CFAP221: variants seen among roughly 807,000 people sequenced by gnomAD.
The protein encoded by CFAP221 is cilia and flagella associated protein 221.
In CFAP221, 97 loss-of-function variants were observed where a neutral mutation model predicts 113.1. The ratio of observed to expected loss-of-function variants is 0.86; its 90% CI spans 0.73 to 1.02. The LOEUF (loss-of-function observed/expected upper bound fraction) is 1.02. Ranked by LOEUF, CFAP221 falls within the 50% of genes least tolerant of loss-of-function variation. The probability of loss-of-function intolerance (pLI) is 0.00; values close to 1 mark genes in which losing one functional copy is unlikely to be tolerated. For synonymous variants in CFAP221, 331 were observed against 354.4 expected, an observed-to-expected ratio of 0.93 and a Z score of 0.74; for missense variants, 1,025 against 1,013.4, an observed-to-expected ratio of 1.01 and a Z score of -0.16.
At position 119,638,357 on chromosome 2, in the gene CFAP221, CAA is replaced by C. The variant is rs760586058; in HGVS notation, c.2075_2076del (p.Lys692ArgfsTer68). The C allele has an allele frequency of 3.7e-6, 6 of 1,614,044 alleles. No individual in the cohort carries two copies. The highest frequency in any genetic ancestry group is 1.3e-5 in the African/African-American group (1 of 74,914). ...LCSHPKYKFTKESRHGSSIPV... is the reference protein window; with the variant it reads ...LCSHPKYKFTXESRHGSSIPV... ...GCTCTCACCCCAAGTACAAATTCAC[CAA>C]AGAGTCCCGCCACGGGTCCAGCATT... is the stretch of plus-strand genomic sequence containing the variant. On this transcript the variant is annotated frameshift_variant, in exon 20 of 24. Coordinates refer to ENST00000413369, the MANE Select transcript of CFAP221 (RefSeq NM_001271049.2). LOFTEE classifies it high-confidence loss of function.
At chr2:119,562,514 G>A (rs898656666) in intron 6 of CFAP221, among the ~76,000 whole-genome samples, 4 of 152,154 alleles carry the variant, frequency 2.6e-5, no homozygotes, top group African/African-American at 9.7e-5. Context: ...CTGGGGATGA[G>A]GTGATTGGAG....
intron 9 of CFAP221, 33 bp from the exon 10 acceptor site, chr2:119,604,843 C>T: frequency 6.2e-7 from 1 of 1,611,504 alleles, no homozygotes; most frequent in Non-Finnish European, 8.5e-7. Flanking sequence ...GAGGGGCAGA[C>T]TAACTGATTT....
intron 6 of CFAP221, among the ~76,000 whole-genome samples, chr2:119,584,065 T>C (rs1159001094): frequency 6.6e-6 from 1 of 152,184 alleles, no homozygotes; most frequent in Non-Finnish European, 1.5e-5. Context: ...TGGAGACACT[T>C]ATAAAATTTG....
intron 14 of CFAP221, among the ~76,000 whole-genome samples, chr2:119,617,536 A>AAAAGGGTAT (rs1685612193): frequency 6.6e-6 from 1 of 152,248 alleles, no homozygotes; most frequent in Non-Finnish European, 1.5e-5. Context: ...TCCAGCCTGA[A>AAAAGGGTAT]AAAGGGTATC....
downstream of CFAP221, among the ~76,000 whole-genome samples, chr2:119,659,730 G>GGGCCTCTGC (rs1688553687): frequency 8.5e-6 from 1 of 117,694 alleles, no homozygotes; most frequent in Admixed American, 9.0e-5. Context: ...CCGCACCCCT[G>GGGCCTCTGC]GGCCTCTGCA....
chr2:119,574,361 T>A (rs955637205), intron 6 of CFAP221, among the ~76,000 whole-genome samples: 1 of 152,224 alleles, frequency 6.6e-6, no homozygotes, highest in African/African-American at 2.4e-5. Flanking sequence ...GTGGCTTCTG[T>A]GAAACTACCA....
At chr2:119,565,177 A>G (rs1278648455) in intron 6 of CFAP221, among the ~76,000 whole-genome samples, 4 of 151,742 alleles carry the variant, frequency 2.6e-5, no homozygotes, top group Non-Finnish European at 4.4e-5. Flanking sequence ...CCACTCACCA[A>G]CCCTTCCTGT....
At chr2:119,643,364 G>A (rs928094253) in intron 21 of CFAP221, among the ~76,000 whole-genome samples, 3 of 152,156 alleles carry the variant, frequency 2.0e-5, no homozygotes, top group African/African-American at 7.2e-5. Flanking sequence ...AGTAAATTCA[G>A]AGATAACTTG....
chr2:119,580,785 A>C lies in CFAP221; in HGVS notation c.528-6334A>C, dbSNP rs1682801052. 4 of 152,288 alleles carry C rather than the reference A, an allele frequency of 2.6e-5. No homozygotes were observed. The South Asian group carries it at 6.2e-4, about 24-fold the overall frequency. The allele number at this position is 152,288 out of a possible 1,614,324, so 9.4% of individuals were successfully genotyped here. ...GCTTGCAGGCTCCAGGTTTTGAAGCAGTCAGGCAGTGTTGGAGACCACTCC... is the reference window on the plus strand; with the variant it reads ...GCTTGCAGGCTCCAGGTTTTGAAGCCGTCAGGCAGTGTTGGAGACCACTCC... On this transcript the variant is annotated intron_variant, in intron 6 of 23. Coordinates refer to ENST00000413369, the MANE Select transcript of CFAP221 (RefSeq NM_001271049.2).
Position 119,629,949 on chromosome 2 carries a change from T to G in CFAP221, c.1725T>G (p.Asn575Lys). Residue 575 changes from asparagine to lysine, a missense_variant, in exon 17 of 24, where the codon AAT becomes AAG. Physicochemically the swap from Asn to Lys is moderately conservative, Grantham distance 94. Transcript: ENST00000413369. ...TCAAGCAGAGTTATTCCTTCTTCAA[T>G]CTGCAGGTCAGACCTGTCACATAAA... is the stretch of plus-strand genomic sequence containing the variant. ...VQIKQSYSFF[N>K]LQVPQLYKIK... 6.2e-7 allele frequency: 1 copy of G among 1,610,090 alleles called. No homozygotes were observed.
At chr2:119,556,746 T>C (rs1225140455) in intron 3 of CFAP221, among the ~76,000 whole-genome samples, 2 of 151,904 alleles carry the variant, frequency 1.3e-5, no homozygotes, top group African/African-American at 4.8e-5. Context: ...GAGATGGAGT[T>C]TTACCATGTT....
chr2:119,559,629 TGA>T, intron 3 of CFAP221, 58 bp from the exon 4 acceptor site: 3 of 1,342,602 alleles, frequency 2.2e-6, no homozygotes, highest in Non-Finnish European at 3.1e-6. Flanking sequence ...TCTACATAAA[TGA>T]GGTGAGTATG....
chr2:119,603,185 T>C (rs1212117024), intron 8 of CFAP221, among the ~76,000 whole-genome samples: 1 of 152,248 alleles, frequency 6.6e-6, no homozygotes, highest in East Asian at 1.9e-4. Context: ...TGTCTAAATT[T>C]GGCCCTGCCA....
In CFAP221 at chr2:119,587,185, T is replaced by G; in HGVS notation, c.594T>G (p.Ile198Met). The part of the protein sequence containing the change: ...PVDFEFYITL[I>M]QSHQAFAIEP... ...ATTTTGAGTTTTATATCACCTTGAT[T>G]CAGTCTCATCAAGCCTTTGCTATTG... Residue 198 changes from isoleucine to methionine, a missense_variant, in exon 7 of 24, where the codon ATT becomes ATG. Physicochemically the swap from Ile to Met is conservative, Grantham distance 10. Transcript: ENST00000413369. 2 of 1,533,296 alleles carry G rather than the reference T, an allele frequency of 1.3e-6. No homozygotes were observed. Among genetic ancestry groups the G allele is most frequent in the African/African-American group, 2.7e-5 (2 of 73,112 alleles). 95.0% of individuals were successfully genotyped at this position (1,533,296 alleles called of 1,614,324 possible).
intron 19 of CFAP221, 142 bp downstream of exon 19, chr2:119,631,043 T>C (rs774007781): frequency 7.9e-6 from 11 of 1,391,416 alleles, no homozygotes; most frequent in Non-Finnish European, 1.0e-5. Flanking sequence ...TAATATTGTT[T>C]GCCAACCTTT....
At chr2:119,635,288 G>C (rs560121960) in intron 19 of CFAP221, among the ~76,000 whole-genome samples, 5 of 152,312 alleles carry the variant, frequency 3.3e-5, no homozygotes, top group African/African-American at 1.2e-4. Flanking sequence ...CCCACCATAT[G>C]TCCAACCATT....
intron 6 of CFAP221, among the ~76,000 whole-genome samples, chr2:119,585,016 A>AAAAATGCAAACAACC (rs1683111978): frequency 6.6e-6 from 1 of 152,218 alleles, no homozygotes; most frequent in African/African-American, 2.4e-5. Context: ...GCAATAGTGA[A>AAAAATGCAAACAACC]AAAATGCAAA....
At chr2:119,655,630 G>A (rs754460323) in intron 23 of CFAP221, among the ~76,000 whole-genome samples, 8 of 151,970 alleles carry the variant, frequency 5.3e-5, no homozygotes, top group African/African-American at 1.7e-4. Context: ...CAAAACACTC[G>A]TCATTTCCTC....
At chr2:119,637,273 C>T (rs1687178391) in intron 19 of CFAP221, among the ~76,000 whole-genome samples, 1 of 152,198 alleles carries the variant, frequency 6.6e-6, no homozygotes, top group Non-Finnish European at 1.5e-5. Flanking sequence ...TCATCCTGGC[C>T]CTCAAGTGGC....
Sources: allele counts gnomAD v4.1 joint callset (sites outside exome capture counted in the v4.1 genomes callset), GRCh38; gene constraint gnomAD v4.1.1; transcripts MANE v1.5; gene names NCBI Gene and HGNC (gene_info 2026-07-23, HGNC 2026-07-21).